The following ZNF827 variants were observed in gnomAD, a reference collection of about 807,000 sequenced individuals.
The protein encoded by ZNF827 is zinc finger protein 827.
In ZNF827, 13 loss-of-function variants were observed where a neutral mutation model predicts 102.4. That is an observed-to-expected ratio of 0.13 (90% CI 0.08 to 0.20). ZNF827 has a LOEUF of 0.20. Ranked by LOEUF, ZNF827 falls within the 10% of genes least tolerant of loss-of-function variation. The probability of loss-of-function intolerance (pLI) is 1.00; values close to 1 mark genes in which losing one functional copy is unlikely to be tolerated. For synonymous variants in ZNF827, 523 were observed against 536.2 expected (o/e 0.98, Z 0.34); for missense variants, 1,103 against 1,344.4 (o/e 0.82, Z 2.81).
At chr4:145,890,971 T>C (rs1224360047) in intron 3 of ZNF827, among the ~76,000 whole-genome samples, 1 of 152,224 alleles carries the variant, frequency 6.6e-6, no homozygotes, top group Non-Finnish European at 1.5e-5. Flanking sequence ...GTCACACTTT[T>C]TTAGAGCTAC....
At chr4:145,881,808 T>C (rs1430475841) in intron 4 of ZNF827, among the ~76,000 whole-genome samples, 4 of 152,188 alleles carry the variant, frequency 2.6e-5, no homozygotes, top group Non-Finnish European at 5.9e-5. Flanking sequence ...CCCCGTTTCA[T>C]GGTCTCGGCT....
intron 4 of ZNF827, among the ~76,000 whole-genome samples, chr4:145,883,750 T>C (rs1749878131): frequency 6.6e-6 from 1 of 152,158 alleles, no homozygotes; most frequent in Non-Finnish European, 1.5e-5. Context: ...CCCTGTCTGT[T>C]AGGTAAGGAA....
intron 8 of ZNF827, among the ~76,000 whole-genome samples, chr4:145,807,721 T>C (rs1243108901): frequency 2.0e-5 from 3 of 150,176 alleles, no homozygotes; most frequent in Non-Finnish European, 4.4e-5. Flanking sequence ...TCGCCCGCCT[T>C]GGCCTCCCAA....
intron 4 of ZNF827, among the ~76,000 whole-genome samples, chr4:145,871,564 T>C (rs1442725979): frequency 1.3e-5 from 2 of 152,216 alleles, no homozygotes; most frequent in African/African-American, 4.8e-5. Flanking sequence ...TTAGGATTGA[T>C]TACACTGATT....
intron 1 of ZNF827, among the ~76,000 whole-genome samples, chr4:145,920,548 G>A (rs1251756652): frequency 2.6e-5 from 4 of 152,204 alleles, no homozygotes; most frequent in Non-Finnish European, 4.4e-5. Context: ...CTACATTCAC[G>A]CGAATGTCCA....
At chr4:145,781,406 A>C (rs570793712) in intron 8 of ZNF827, among the ~76,000 whole-genome samples, 4 of 152,180 alleles carry the variant, frequency 2.6e-5, no homozygotes, top group African/African-American at 9.6e-5. Flanking sequence ...AGAAGAAACA[A>C]ATATGAATAT....
intron 1 of ZNF827, among the ~76,000 whole-genome samples, chr4:145,919,721 G>T (rs1048032987): frequency 3.9e-5 from 6 of 152,146 alleles, no homozygotes; most frequent in East Asian, 1.9e-4. Flanking sequence ...CATACATGGT[G>T]GTCCTGCCAA....
chr4:145,836,643 C>T (rs1221261251), intron 7 of ZNF827, among the ~76,000 whole-genome samples: 5 of 152,024 alleles, frequency 3.3e-5, no homozygotes, highest in African/African-American at 1.2e-4. Flanking sequence ...ACCCCCATGA[C>T]TGTATCTCTC....
chr4:145,823,614 T>C, intron 7 of ZNF827, 89 bp from the exon 8 acceptor site: 1 of 834,052 alleles, frequency 1.2e-6, no homozygotes, highest in South Asian at 1.4e-5. Context: ...ATATACGCAA[T>C]ATTAGATAAG....
At chr4:145,888,437 C>A (rs1750310478) in intron 3 of ZNF827, among the ~76,000 whole-genome samples, 3 of 152,232 alleles carry the variant, frequency 2.0e-5, no homozygotes, top group Admixed American at 1.3e-4. Flanking sequence ...CTCACCTATC[C>A]TCTGGTCATT....
At chr4:145,931,919 A>G (rs1753836605) in intron 1 of ZNF827, among the ~76,000 whole-genome samples, 1 of 152,150 alleles carries the variant, frequency 6.6e-6, no homozygotes, top group Non-Finnish European at 1.5e-5. Context: ...GTCCCCCCCA[A>G]ATTCATGTTG....
At chr4:145,828,090 C>T (rs560110346) in intron 7 of ZNF827, among the ~76,000 whole-genome samples, 14 of 152,154 alleles carry the variant, frequency 9.2e-5, no homozygotes, top group Non-Finnish European at 1.8e-4. Flanking sequence ...CAGGATGAAG[C>T]GGGCTGCATC....
intron 5 of ZNF827, 67 bp downstream of exon 5, chr4:145,870,178 G>A: frequency 6.7e-7 from 1 of 1,483,636 alleles, no homozygotes; most frequent in Non-Finnish European, 9.3e-7. Context: ...AACCCATGCA[G>A]GAAGCAGTCC....
intron 5 of ZNF827, among the ~76,000 whole-genome samples, chr4:145,866,908 A>G (rs997943865): frequency 6.6e-6 from 1 of 152,266 alleles, no homozygotes; most frequent in African/African-American, 2.4e-5. Flanking sequence ...CATATCCATG[A>G]TAACACAGCT....
chr4:145,793,809 T>C (rs1025081265), intron 8 of ZNF827, among the ~76,000 whole-genome samples: 1 of 152,172 alleles, frequency 6.6e-6, no homozygotes, highest in African/African-American at 2.4e-5. Context: ...AGACCTTCCC[T>C]CAGCAGAATC....
Position 145,938,693 on chromosome 4 carries a change from A to G in ZNF827, c.-286T>C. 1 of 465,080 alleles carries G rather than the reference A, an allele frequency of 2.2e-6. No individual in the cohort carries two copies. The highest frequency in any genetic ancestry group is 3.9e-6 in the Non-Finnish European group (1 of 257,478). 28.8% of individuals were successfully genotyped at this position (465,080 alleles called of 1,614,324 possible). On this transcript the variant is annotated 5_prime_UTR_variant, in exon 1 of 15. Transcript: ENST00000508784. ...CCGAGCGTAATATTCTTCAATGGAA[A>G]CGGATCTAATAGGTGTGAGTGTGTG...
chr4:145,871,229 A>G (rs909442446), intron 4 of ZNF827, among the ~76,000 whole-genome samples: 10 of 152,214 alleles, frequency 6.6e-5, no homozygotes, highest in African/African-American at 2.2e-4. Context: ...AGCATCTTAC[A>G]TAACCATGGT....
chr4:145,845,866 G>T, intron 7 of ZNF827, 90 bp downstream of exon 7: 1 of 1,343,834 alleles, frequency 7.4e-7, no homozygotes, highest in Non-Finnish European at 1.1e-6. Context: ...CCCAGTGGGA[G>T]AAAGAGGTTT....
At chr4:145,869,222 T>A (rs911942239) in intron 5 of ZNF827, among the ~76,000 whole-genome samples, 1 of 152,242 alleles carries the variant, frequency 6.6e-6, no homozygotes, top group Non-Finnish European at 1.5e-5. Flanking sequence ...AACTGGTAAG[T>A]ACAGGAATTT....
Sources: gnomAD v4.1 joint callset for allele counts (sites outside exome capture counted in the v4.1 genomes callset) on GRCh38, gnomAD v4.1.1 for gene constraint, MANE v1.5 for transcripts, NCBI Gene and HGNC (gene_info 2026-07-23, HGNC 2026-07-21) for gene names.